The following NGLY1 variants were observed in gnomAD, a reference collection of about 807,000 sequenced individuals.
NGLY1 encodes the protein peptide-N(4)-(N-acetyl-beta-glucosaminyl)asparagine amidase.
In NGLY1, 68 loss-of-function variants were observed where a neutral mutation model predicts 84.6. The ratio of observed to expected loss-of-function variants is 0.80; its 90% confidence interval spans 0.66 to 0.98. The LOEUF is 0.98. Ranked by LOEUF, NGLY1 falls within the 50% of genes least tolerant of loss-of-function variation. The pLI is 0.00. For missense variants in NGLY1, 779 were observed against 770.2 expected (o/e 1.01, Z -0.14); for synonymous variants, 280 against 275.2 (o/e 1.02, Z -0.17).
At chr3:25,755,690 T>A in intron 3 of NGLY1, 3 of 1,410,274 alleles carry the variant, frequency 2.1e-6, no homozygotes, top group Non-Finnish European at 3.0e-6. Context: ...GGAATTATAG[T>A]CTAGTCTAGA....
chr3:25,751,918 C>T (rs1225895270), intron 3 of NGLY1, among the ~76,000 whole-genome samples: 1 of 152,090 alleles, frequency 6.6e-6, no homozygotes, highest in Non-Finnish European at 1.5e-5. Context: ...CTTAGAGTCA[C>T]AAAAGGAAAG....
rs988773695 is a variant in NGLY1 at position 25,767,184 on chromosome 3, C to T, written c.247-2873G>A. Among the ~76,000 whole-genome samples the T allele has an allele frequency of 4.0e-5, 6 of 151,550 alleles. 1 individual carries two copies. The South Asian group carries it at 8.4e-4, about 21-fold the overall frequency. ...GCAGGCAACTATAATCCCAACTACT[C>T]GGGAGGCTGAGGCAGGAGAATCGCT... On this transcript the variant is annotated intron_variant, in intron 2 of 11. Coordinates refer to ENST00000280700, the MANE Select transcript of NGLY1 (RefSeq NM_018297.4).
chr3:25,723,396 A>G (rs1440355832), intron 10 of NGLY1, among the ~76,000 whole-genome samples: 2 of 152,226 alleles, frequency 1.3e-5, no homozygotes, highest in African/African-American at 4.8e-5. Flanking sequence ...ATGTTAAAGA[A>G]CAGTATATGG....
At chr3:25,724,449 C>G (rs1197652787) in intron 10 of NGLY1, among the ~76,000 whole-genome samples, 2 of 152,156 alleles carry the variant, frequency 1.3e-5, no homozygotes, top group African/African-American at 4.8e-5. Context: ...ACTTGTAGTT[C>G]CCACTGTAAA....
At chr3:25,722,926 G>A (rs775941074) in intron 10 of NGLY1, among the ~76,000 whole-genome samples, 1 of 152,188 alleles carries the variant, frequency 6.6e-6, no homozygotes, top group South Asian at 2.1e-4. Context: ...AAACAGAGAG[G>A]TTACTGGAAG....
intron 2 of NGLY1, among the ~76,000 whole-genome samples, chr3:25,765,875 G>A (rs1707541857): frequency 6.6e-6 from 1 of 151,962 alleles, no homozygotes; most frequent in African/African-American, 2.4e-5. Flanking sequence ...AGGACTACAG[G>A]TGCATGCCAC....
intron 10 of NGLY1, among the ~76,000 whole-genome samples, chr3:25,726,555 G>T (rs1424966632): frequency 6.6e-6 from 1 of 152,176 alleles, no homozygotes; most frequent in Non-Finnish European, 1.5e-5. Flanking sequence ...GAGAAGTATA[G>T]GAGGTTCTGT....
At chr3:25,781,197 CA>C (rs1193141845) in intron 1 of NGLY1, among the ~76,000 whole-genome samples, 2 of 152,158 alleles carry the variant, frequency 1.3e-5, no homozygotes, top group Non-Finnish European at 2.9e-5. Flanking sequence ...GCAATCCGCC[CA>C]CCTTGGCCTC....
At chr3:25,786,566 T>G (rs1386610679), upstream of NGLY1, among the ~76,000 whole-genome samples, 1 of 152,168 alleles carries the variant, frequency 6.6e-6, no homozygotes, top group African/African-American at 2.4e-5. Context: ...ATCTCCAACT[T>G]GACTGAAGTG....
chr3:25,781,204 G>A (rs1708401115), intron 1 of NGLY1, among the ~76,000 whole-genome samples: 1 of 152,090 alleles, frequency 6.6e-6, no homozygotes, highest in South Asian at 2.1e-4. Flanking sequence ...GCCCACCTTG[G>A]CCTCCCACAG....
chr3:25,760,919 A>AAAAAAAAAAAC (rs1707293449), intron 3 of NGLY1, among the ~76,000 whole-genome samples: 1 of 130,914 alleles, frequency 7.6e-6, no homozygotes, highest in African/African-American at 2.7e-5. Flanking sequence ...AAAAAAAAAA[A>AAAAAAAAAAAC]AGCTCGCACA....
intron 3 of NGLY1, 22 bp downstream of exon 3, chr3:25,764,041 AAAG>A (rs1707436284): frequency 6.2e-7 from 1 of 1,611,386 alleles, no homozygotes; most frequent in African/African-American, 1.3e-5. Context: ...AGAAACAGTT[AAAG>A]AAGGTTTAAT....
rs745718089 is a variant in NGLY1, at chr3:25,729,237, G to C, written c.1507C>G (p.Arg503Gly). 5.2e-6 allele frequency: 8 copies of C among 1,552,652 alleles called. No individual in the cohort carries two copies. Among genetic ancestry groups the C allele is most frequent in the Non-Finnish European group, 7.0e-6 (8 of 1,144,684 alleles). ...TTGTTATTTGAAACTCGAACATAAC[G>C]ATCTTTCACAATATTGTAACAAAGG... ...LHLCYNIVKD[R>G]YVRVSNNNQT... The change falls in exon 10 of 12, where the codon CGT becomes GGT. Residue 503 changes from arginine (R) to glycine (G), a missense_variant. Coordinates refer to ENST00000280700, the MANE Select transcript of NGLY1 (RefSeq NM_018297.4).
chr3:25,729,159 T>C lies in NGLY1; in HGVS notation c.1585A>G (p.Arg529Gly). 6.5e-7 allele frequency: 1 copy of C among 1,528,128 alleles called. No individual in the cohort carries two copies. The highest frequency in any genetic ancestry group is 8.8e-7 in the Non-Finnish European group (1 of 1,132,390). The allele number at this position is 1,528,128 out of a possible 1,614,324, so 94.7% of individuals were successfully genotyped here. A position where few individuals can be genotyped will look rare whatever the true frequency, so the allele number is the denominator to read the frequency against. Residue 529 changes from arginine to glycine, a missense_variant, in exon 10 of 12, where the codon AGA becomes GGA. Coordinates refer to ENST00000280700, the MANE Select transcript of NGLY1 (RefSeq NM_018297.4). ...ATGTGCCAGTCTGTTTCAACTTTTC[T>C]GAATATAGATTCCATTTTCCACACG... Reference protein sequence around the residue: ...NGVWKMESIFRKVETDWHMVY... With the variant: ...NGVWKMESIFGKVETDWHMVY...
chr3:25,781,975 C>T (rs948912066), intron 1 of NGLY1, among the ~76,000 whole-genome samples: 1 of 152,166 alleles, frequency 6.6e-6, no homozygotes, highest in South Asian at 2.1e-4. Flanking sequence ...CCCTTGGCAT[C>T]CTTGTACTGT....
chr3:25,768,523 T>C (rs1707728536), intron 2 of NGLY1, among the ~76,000 whole-genome samples: 1 of 150,528 alleles, frequency 6.6e-6, no homozygotes, highest in African/African-American at 2.4e-5. Context: ...GGAAAACACT[T>C]CAGGAAATTG....
chr3:25,730,890 C>A (rs563893710), intron 9 of NGLY1, among the ~76,000 whole-genome samples: 1 of 152,076 alleles, frequency 6.6e-6, no homozygotes, highest in African/African-American at 2.4e-5. Context: ...TTTTTCATTG[C>A]ATATTTCCTA....
intron 3 of NGLY1, among the ~76,000 whole-genome samples, chr3:25,759,927 C>A (rs1212312881): frequency 4.6e-5 from 7 of 151,296 alleles, no homozygotes; most frequent in African/African-American, 1.2e-4. Flanking sequence ...AACACACACA[C>A]ACACACACAC....
chr3:25,768,150 T>G (rs1575655159), intron 2 of NGLY1, among the ~76,000 whole-genome samples: 40 of 120,412 alleles, frequency 3.3e-4, no homozygotes, highest in Admixed American at 6.0e-4. Context: ...TGGCCAGGTG[T>G]GGTGGCTCAC....
Sources: allele counts gnomAD v4.1 joint callset (sites outside exome capture counted in the v4.1 genomes callset), GRCh38; gene constraint gnomAD v4.1.1; transcripts MANE v1.5; gene names NCBI Gene and HGNC (gene_info 2026-07-23, HGNC 2026-07-21).